The following SPTBN1 variants were observed in gnomAD, a reference collection of about 807,000 sequenced individuals.
SPTBN1 encodes the protein spectrin beta, non-erythrocytic 1.
Under a neutral mutation model 266.4 loss-of-function variants are expected in SPTBN1, and 32 were observed. The observed-to-expected ratio is 0.12, with a 90% confidence interval of 0.09 to 0.16. The LOEUF (loss-of-function observed/expected upper bound fraction) is 0.16, where lower values mean the gene tolerates loss of function less well. Among genes scored for constraint, SPTBN1 ranks in the 10% least tolerant of loss-of-function variants. The pLI is 1.00. For missense variants in SPTBN1, 2,296 were observed against 3,067.1 expected, an observed-to-expected ratio of 0.75 and a Z score of 5.94; for synonymous variants, 1,336 against 1,162.2, an observed-to-expected ratio of 1.15 and a Z score of -3.04.
chr2:54,650,808 C>G (rs1680230525), intron 26 of SPTBN1, among the ~76,000 whole-genome samples: 1 of 152,230 alleles, frequency 6.6e-6, no homozygotes, highest in Admixed American at 6.5e-5. Context: ...ATGAGCGTAG[C>G]TGTGTTCCAA....
At chr2:54,507,474 G>T (rs1669635420) in intron 1 of SPTBN1, among the ~76,000 whole-genome samples, 1 of 152,096 alleles carries the variant, frequency 6.6e-6, no homozygotes, top group Non-Finnish European at 1.5e-5. Context: ...AGATTTTGTG[G>T]TAAGGGGTGA....
intron 20 of SPTBN1, 129 bp downstream of exon 20, chr2:54,644,715 T>C: frequency 8.2e-7 from 1 of 1,224,170 alleles, no homozygotes; most frequent in African/African-American, 1.5e-5. Context: ...ACCCAAAATA[T>C]TACTTGCTCT....
Position 54,664,712 on chromosome 2 carries a change from C to A in SPTBN1, c.6659+21C>A, listed in dbSNP as rs756149152. On this transcript the variant is annotated intron_variant, in intron 33 of 35. Coordinates refer to ENST00000356805, the MANE Select transcript of SPTBN1 (RefSeq NM_003128.3). The surrounding 1 kb of genome is among the most constrained non-coding windows in gnomAD (Gnocchi z 5.6). ...AGCAGGTAACAGCAGCAGAGGCTGC[C>A]ACAGTAAGATGGGAAGTCAGCCTGT... is the stretch of plus-strand genomic sequence containing the variant. The A allele has an allele frequency of 2.4e-5, 39 of 1,610,068 alleles. No homozygotes were observed. The highest frequency in any genetic ancestry group is 3.3e-5 in the Non-Finnish European group (39 of 1,177,014).
intron 32 of SPTBN1, chr2:54,661,172 C>CT: frequency 2.0e-6 from 2 of 985,426 alleles, no homozygotes; most frequent in Non-Finnish European, 2.4e-6. Flanking sequence ...ATAAAGGAAG[C>CT]TTTTAGGATG....
intron 1 of SPTBN1, among the ~76,000 whole-genome samples, chr2:54,494,428 A>C (rs1448687829): frequency 6.6e-6 from 1 of 151,950 alleles, no homozygotes; most frequent in Non-Finnish European, 1.5e-5. Context: ...ATATTCGTAC[A>C]AAAAAAATAC....
intron 26 of SPTBN1, among the ~76,000 whole-genome samples, chr2:54,652,298 A>C (rs4671965): frequency 0.3 from 46,073 of 151,882 alleles, 7,994 homozygotes; most frequent in Admixed American, 0.38. Context: ...ACCGTTCCCC[A>C]AAAAAAAGGT....
chr2:54,555,452 T>C (rs1049929944), intron 2 of SPTBN1, among the ~76,000 whole-genome samples: 7 of 152,188 alleles, frequency 4.6e-5, no homozygotes, highest in African/African-American at 1.7e-4. Flanking sequence ...CACATACAGT[T>C]AGTTACCAAA....
chr2:54,619,683 G>A lies in SPTBN1; in HGVS notation c.763+1490G>A, dbSNP rs539517731. The stretch of plus-strand genomic sequence containing the variant: ...TCTTTGAGTTTTGTTGACATTTTGT[G>A]TTGATTAAATTGTATACCTACACTG... On this transcript the variant is annotated intron_variant, in intron 7 of 35. Transcript: ENST00000356805. Among the ~76,000 whole-genome samples, 145 of 152,322 alleles carry A rather than the reference G, an allele frequency of 9.5e-4. 1 individual carries two copies. Among genetic ancestry groups the A allele is most frequent in the Middle Eastern group, 3.4e-3 (1 of 294 alleles).
chr2:54,474,114 G>A (rs1396066293), intron 1 of SPTBN1, among the ~76,000 whole-genome samples: 2 of 152,196 alleles, frequency 1.3e-5, no homozygotes, highest in African/African-American at 2.4e-5. Context: ...ATGAGTTGGT[G>A]TATGAAATGC....
At chr2:54,564,703 G>A (rs1333368535) in intron 2 of SPTBN1, among the ~76,000 whole-genome samples, 1 of 152,196 alleles carries the variant, frequency 6.6e-6, no homozygotes, top group Non-Finnish European at 1.5e-5. Flanking sequence ...GTTCAGTTCA[G>A]ATGCCACTTA....
chr2:54,509,065 G>A (rs914001897), intron 1 of SPTBN1, among the ~76,000 whole-genome samples: 2 of 152,196 alleles, frequency 1.3e-5, no homozygotes, highest in African/African-American at 2.4e-5. Flanking sequence ...GGTAATGGAG[G>A]GGGGCAGAGC....
chr2:54,485,887 G>A (rs1385719264), intron 1 of SPTBN1, among the ~76,000 whole-genome samples: 4 of 139,024 alleles, frequency 2.9e-5, no homozygotes, highest in East Asian at 2.2e-4. Context: ...GCCGCGACCC[G>A]TCTGGGAGGT....
rs538900767 is a variant in SPTBN1, at chr2:54,562,669, T to C, written c.148+36103T>C. The stretch of plus-strand genomic sequence containing the variant: ...CCTCAGTCTCCCCAGTAGCTGGGAC[T>C]ACAGGCACTTGCCACCAAACCCTGC... On this transcript the variant is annotated intron_variant, in intron 2 of 35. Coordinates refer to ENST00000356805, the MANE Select transcript of SPTBN1 (RefSeq NM_003128.3). 2.7e-5 allele frequency among the ~76,000 whole-genome samples: 4 copies of C among 149,914 alleles called. No homozygotes were observed. In the East Asian group the frequency reaches 7.8e-4, roughly 29 times the overall value.
At chr2:54,627,890 G>C (rs1373406656) in intron 12 of SPTBN1, among the ~76,000 whole-genome samples, 1 of 144,672 alleles carries the variant, frequency 6.9e-6, no homozygotes, top group South Asian at 2.2e-4. Flanking sequence ...TCCTTAGTTT[G>C]TGATAGCTCT....
intron 2 of SPTBN1, among the ~76,000 whole-genome samples, chr2:54,572,095 C>T (rs1271683737): frequency 6.6e-6 from 1 of 151,968 alleles, no homozygotes; most frequent in Admixed American, 6.5e-5. Flanking sequence ...CTGCTGGGTG[C>T]TGGGGAATTT....
intron 1 of SPTBN1, among the ~76,000 whole-genome samples, chr2:54,507,201 T>A (rs928194030): frequency 2.0e-5 from 3 of 152,286 alleles, no homozygotes; most frequent in South Asian, 4.2e-4. Flanking sequence ...TATTTTCACT[T>A]CTTTTGTGTA....
chr2:54,614,149 G>A (rs919726572), intron 4 of SPTBN1, among the ~76,000 whole-genome samples: 3 of 152,192 alleles, frequency 2.0e-5, no homozygotes, highest in South Asian at 4.1e-4. Flanking sequence ...GTGGCCTGCA[G>A]TGTTGTTGTC....
rs1311234860 is a variant in SPTBN1 at position 54,489,369 on chromosome 2, A to T, written c.-48+32851A>T. 2.0e-5 allele frequency among the ~76,000 whole-genome samples: 3 copies of T among 151,994 alleles called. No individual in the cohort carries two copies. The East Asian group carries it at 5.8e-4, about 29-fold the overall frequency. ...GTATAACTGAAAGTACCTTGAAAAA[A>T]TATGGCAATATGCAGTTGCAAGTTG... On this transcript the variant is annotated intron_variant, in intron 1 of 35. Coordinates refer to ENST00000356805, the MANE Select transcript of SPTBN1 (RefSeq NM_003128.3).
chr2:54,497,240 C>G (rs186675489), intron 1 of SPTBN1, among the ~76,000 whole-genome samples: 2 of 152,188 alleles, frequency 1.3e-5, no homozygotes, highest in East Asian at 3.9e-4. Context: ...AAATGCCTGG[C>G]TTAAAAGAAG....
Sources: allele counts gnomAD v4.1 joint callset (sites outside exome capture counted in the v4.1 genomes callset), GRCh38; gene constraint gnomAD v4.1.1; non-coding constraint Gnocchi (gnomAD v3.1); transcripts MANE v1.5; gene names NCBI Gene and HGNC (gene_info 2026-07-23, HGNC 2026-07-21).